The following TAFA2 variants were observed in gnomAD, a reference collection of about 807,000 sequenced individuals.
The protein encoded by TAFA2 is chemokine-like protein TAFA-2.
Under a neutral mutation model 18.8 loss-of-function variants are expected in TAFA2, and 7 were observed. The ratio of observed to expected loss-of-function variants is 0.37; its 90% CI spans 0.21 to 0.70. TAFA2 has a LOEUF of 0.70. Ranked by LOEUF, TAFA2 falls within the 30% of genes least tolerant of loss-of-function variation. The pLI is 0.53. For synonymous variants in TAFA2, 60 were observed against 54.2 expected, an observed-to-expected ratio of 1.11 and a Z score of -0.47; for missense variants, 122 against 158.1, an observed-to-expected ratio of 0.77 and a Z score of 1.23.
chr12:62,216,257 T>C (rs1207029682), intron 1 of TAFA2, among the ~76,000 whole-genome samples: 1 of 152,168 alleles, frequency 6.6e-6, no homozygotes, highest in Admixed American at 6.5e-5. Flanking sequence ...TGGACATGCT[T>C]GGTAATTAGC....
intron 1 of TAFA2, among the ~76,000 whole-genome samples, chr12:61,962,310 G>T (rs892502921): frequency 1.3e-5 from 2 of 151,922 alleles, no homozygotes; most frequent in Admixed American, 6.6e-5. Flanking sequence ...TACATTAAAG[G>T]CTGGTTCCCA....
intron 2 of TAFA2, among the ~76,000 whole-genome samples, chr12:61,845,668 T>A (rs190649149): frequency 1.4e-4 from 21 of 152,248 alleles, no homozygotes; most frequent in Admixed American, 9.2e-4. Context: ...TCTTCTGGGG[T>A]GATTATCCAT....
chr12:61,801,052 G>C (rs1463900752), intron 2 of TAFA2, among the ~76,000 whole-genome samples: 1 of 151,806 alleles, frequency 6.6e-6, no homozygotes, highest in Non-Finnish European at 1.5e-5. Flanking sequence ...AAACTACCTA[G>C]GAATAAATTT....
intron 1 of TAFA2, among the ~76,000 whole-genome samples, chr12:61,891,931 CA>C (rs1416629066): frequency 6.6e-6 from 1 of 151,388 alleles, no homozygotes; most frequent in Non-Finnish European, 1.5e-5. Flanking sequence ...AACAACCAGG[CA>C]ATTGAAATGA....
rs1869331811 is a variant in TAFA2, at chr12:61,710,257, G to C, written c.*149C>G. On this transcript the variant is annotated 3_prime_UTR_variant, in exon 5 of 5. Transcript: ENST00000416284. ...GACTTTTAAAAAGTCTTGATTTCAAGAAGAGGCCATGAAATCCCTTGGAAA... is the reference window on the plus strand; with the variant it reads ...GACTTTTAAAAAGTCTTGATTTCAACAAGAGGCCATGAAATCCCTTGGAAA... 7.4e-6 allele frequency: 5 copies of C among 671,304 alleles called. No individual in the cohort carries two copies. The highest frequency in any genetic ancestry group is 7.4e-5 in the African/African-American group (4 of 54,316). 41.6% of individuals were successfully genotyped at this position (671,304 alleles called of 1,614,324 possible).
At chr12:61,797,810 G>T (rs921317013) in intron 2 of TAFA2, among the ~76,000 whole-genome samples, 3 of 152,172 alleles carry the variant, frequency 2.0e-5, no homozygotes, top group Non-Finnish European at 4.4e-5. Flanking sequence ...CAAGCTAGAC[G>T]CTGGTTCCTT....
intron 1 of TAFA2, among the ~76,000 whole-genome samples, chr12:61,979,158 G>A (rs1413535272): frequency 6.6e-6 from 1 of 152,046 alleles, no homozygotes. Flanking sequence ...AATAAAGTCT[G>A]GTCAAACAAA....
At chr12:62,012,858 C>T (rs1437763613) in intron 1 of TAFA2, among the ~76,000 whole-genome samples, 1 of 152,148 alleles carries the variant, frequency 6.6e-6, no homozygotes, top group African/African-American at 2.4e-5. Context: ...AATCTAAATA[C>T]TGGAGGGAAA....
intron 1 of TAFA2, among the ~76,000 whole-genome samples, chr12:62,223,910 A>G (rs1295947835): frequency 6.6e-6 from 1 of 152,222 alleles, no homozygotes; most frequent in Non-Finnish European, 1.5e-5. Context: ...TATAATTACC[A>G]TATGATCCAG....
intron 1 of TAFA2, chr12:62,140,279 A>G (rs1208733455): frequency 1.3e-5 from 2 of 152,196 alleles, no homozygotes; most frequent in Non-Finnish European, 2.9e-5. Context: ...TTTCTTCTTT[A>G]AAGAATGTTT....
intron 1 of TAFA2, among the ~76,000 whole-genome samples, chr12:62,186,176 G>C (rs1456124080): frequency 6.6e-6 from 1 of 152,144 alleles, no homozygotes; most frequent in Non-Finnish European, 1.5e-5. Flanking sequence ...TCAACAGAAA[G>C]TTCCATGTGC....
upstream of TAFA2, among the ~76,000 whole-genome samples, chr12:62,193,956 AAAC>A (rs1396720731): frequency 2.6e-5 from 4 of 152,212 alleles, no homozygotes; most frequent in African/African-American, 9.6e-5. Context: ...CACCAAAACT[AAAC>A]AAGGCAAGTT....
chr12:62,152,987 A>G (rs887354576), intron 1 of TAFA2, among the ~76,000 whole-genome samples: 1 of 152,324 alleles, frequency 6.6e-6, no homozygotes, highest in Middle Eastern at 3.4e-3. Flanking sequence ...GATGGAAAGG[A>G]TCTATTAATA....
At chr12:62,113,504 T>G (rs1431018397) in intron 1 of TAFA2, among the ~76,000 whole-genome samples, 1 of 152,162 alleles carries the variant, frequency 6.6e-6, no homozygotes, top group African/African-American at 2.4e-5. Flanking sequence ...GTCTGTCCCT[T>G]AGCAGAGCTT....
chr12:61,729,513 G>A (rs1592349541), intron 4 of TAFA2, among the ~76,000 whole-genome samples: 1 of 151,844 alleles, frequency 6.6e-6, no homozygotes, highest in East Asian at 1.9e-4. Context: ...CAATTCTATT[G>A]TTGATACTTT....
intron 1 of TAFA2, among the ~76,000 whole-genome samples, chr12:62,158,089 A>C (rs1592372701): frequency 6.6e-6 from 1 of 152,194 alleles, no homozygotes; most frequent in South Asian, 2.1e-4. Context: ...TCTGGAAAAA[A>C]AGTCAATACA....
At chr12:61,782,570 C>T (rs1283188835) in intron 2 of TAFA2, among the ~76,000 whole-genome samples, 1 of 151,676 alleles carries the variant, frequency 6.6e-6, no homozygotes, top group East Asian at 2.0e-4. Context: ...ACCCTGTCCA[C>T]TTTGGACTTA....
chr12:62,085,636 G>T (rs2136825861), intron 1 of TAFA2, among the ~76,000 whole-genome samples: 1 of 152,150 alleles, frequency 6.6e-6, no homozygotes, highest in South Asian at 2.1e-4. Flanking sequence ...TGTAAGACAG[G>T]CATGATCCAT....
intron 1 of TAFA2, among the ~76,000 whole-genome samples, chr12:62,233,487 C>G (rs919662114): frequency 1.3e-5 from 2 of 152,148 alleles, no homozygotes; most frequent in African/African-American, 4.8e-5. Flanking sequence ...CACTCTTGAT[C>G]ACTCTGATCC....
Sources: allele counts gnomAD v4.1 joint callset (sites outside exome capture counted in the v4.1 genomes callset), GRCh38; gene constraint gnomAD v4.1.1; transcripts MANE v1.5; gene names NCBI Gene and HGNC (gene_info 2026-07-23, HGNC 2026-07-21).